The following BMPR1B variants were observed in gnomAD, a reference collection of about 807,000 sequenced individuals.
BMPR1B encodes bone morphogenetic protein receptor type 1B.
BMPR1B carries 12 observed loss-of-function variants against 59.1 expected under a neutral mutation model. That is an observed-to-expected ratio of 0.20 (90% confidence interval 0.13 to 0.33). The LOEUF (loss-of-function observed/expected upper bound fraction) is 0.33. BMPR1B is among the 10% of genes least tolerant of loss of function. The pLI is 1.00. For missense variants in BMPR1B, 550 were observed against 610.9 expected (o/e 0.90, Z 1.05); for synonymous variants, 237 against 207.3 (o/e 1.14, Z -1.23).
chr4:94,884,942 C>A (rs545297344), intron 2 of BMPR1B, among the ~76,000 whole-genome samples: 27 of 152,274 alleles, frequency 1.8e-4, no homozygotes, highest in Admixed American at 8.5e-4. Context: ...TGCTTCTGTT[C>A]CCTTTGGAAC....
chr4:94,967,463 C>G (rs1730596198), intron 2 of BMPR1B, among the ~76,000 whole-genome samples: 1 of 151,800 alleles, frequency 6.6e-6, no homozygotes, highest in Non-Finnish European at 1.5e-5. Flanking sequence ...CCTCCCCTCC[C>G]CTCTCCTCTC....
intron 2 of BMPR1B, among the ~76,000 whole-genome samples, chr4:94,936,028 A>G (rs1389023459): frequency 6.6e-6 from 1 of 152,088 alleles, no homozygotes; most frequent in African/African-American, 2.4e-5. Flanking sequence ...CACAGTGGTA[A>G]AGTCAGTGGG....
At chr4:95,147,320 A>G (rs1380777897) in intron 10 of BMPR1B, among the ~76,000 whole-genome samples, 2 of 152,206 alleles carry the variant, frequency 1.3e-5, no homozygotes, top group African/African-American at 2.4e-5. Context: ...ATTCAGAATG[A>G]CACTTAAAAT....
chr4:94,912,625 C>T (rs944914502), intron 2 of BMPR1B, among the ~76,000 whole-genome samples: 6 of 152,084 alleles, frequency 3.9e-5, no homozygotes, highest in Non-Finnish European at 8.8e-5. Flanking sequence ...GTGGTCTTTC[C>T]GAACAACAGT....
chr4:94,766,039 T>G (rs1721955899), intron 1 of BMPR1B, among the ~76,000 whole-genome samples: 1 of 152,194 alleles, frequency 6.6e-6, no homozygotes, highest in African/African-American at 2.4e-5. Context: ...AATTAGAATT[T>G]TGATTTTTAA....
At chr4:94,794,594 G>A (rs1469247451) in intron 1 of BMPR1B, among the ~76,000 whole-genome samples, 86 of 142,160 alleles carry the variant, frequency 6.0e-4, no homozygotes, top group African/African-American at 2.1e-3. Context: ...CATTGAATCT[G>A]TAAATTACCT....
intron 3 of BMPR1B, among the ~76,000 whole-genome samples, chr4:95,064,379 C>T (rs1362999198): frequency 6.6e-6 from 1 of 152,108 alleles, no homozygotes; most frequent in Non-Finnish European, 1.5e-5. Flanking sequence ...CATAGGAGAG[C>T]AAACGCTGTT....
intron 2 of BMPR1B, among the ~76,000 whole-genome samples, chr4:94,894,755 C>A (rs1727524571): frequency 6.6e-6 from 1 of 151,004 alleles, no homozygotes; most frequent in African/African-American, 2.4e-5. Context: ...GGAAAGTAAA[C>A]TTGTTGTATT....
chr4:94,767,792 CTT>C (rs1204126909), intron 1 of BMPR1B, among the ~76,000 whole-genome samples: 2 of 151,990 alleles, frequency 1.3e-5, no homozygotes, highest in Non-Finnish European at 2.9e-5. Flanking sequence ...AGTCATCAAA[CTT>C]TTGTGATTTT....
chr4:94,826,266 G>A (rs1724378225), intron 1 of BMPR1B, among the ~76,000 whole-genome samples: 1 of 152,122 alleles, frequency 6.6e-6, no homozygotes, highest in South Asian at 2.1e-4. Flanking sequence ...GTTGATAACT[G>A]GTGAAGAATA....
At chr4:95,082,242 A>C (rs1033203383) in intron 3 of BMPR1B, among the ~76,000 whole-genome samples, 15 of 149,956 alleles carry the variant, frequency 1.0e-4, no homozygotes, top group African/African-American at 3.2e-4. Flanking sequence ...AAATATCGAA[A>C]ACTGTATCCA....
intron 4 of BMPR1B, among the ~76,000 whole-genome samples, chr4:95,106,015 C>T (rs1042106003): frequency 6.6e-6 from 1 of 151,948 alleles, no homozygotes; most frequent in African/African-American, 2.4e-5. Context: ...TCCTGATAAG[C>T]CATTTGGATG....
rs1321253433 is a variant in BMPR1B at position 94,860,820 on chromosome 4, CTTTTATATGTTGG to C, written c.-182-15010_-182-14998del. On this transcript the variant is annotated intron_variant, in intron 1 of 12. Transcript: ENST00000515059. ...TTCTTGGACAAAACCTTTTATATGTCTTTTATATGTTGGCTTTTATATGTCTTTCTCTTTCACG... is the reference window on the plus strand; with the variant it reads ...TTCTTGGACAAAACCTTTTATATGTCCTTTTATATGTCTTTCTCTTTCACG... Among the ~76,000 whole-genome samples the C allele has an allele frequency of 5.7e-3, 764 of 134,174 alleles. 169 individuals are homozygous for C. Among genetic ancestry groups the C allele is most frequent in the African/African-American group, 0.025 (665 of 27,038 alleles). 88.0% of individuals were successfully genotyped at this position (134,174 alleles called of 152,430 possible).
intron 2 of BMPR1B, among the ~76,000 whole-genome samples, chr4:94,934,507 T>C (rs554801188): frequency 1.9e-3 from 257 of 132,792 alleles, no homozygotes; most frequent in African/African-American, 6.8e-3. Context: ...CAGGAACAAA[T>C]GGCAGCATAG....
intron 3 of BMPR1B, 82 bp from the exon 4 acceptor site, chr4:95,104,326 T>C: frequency 2.1e-6 from 3 of 1,442,298 alleles, no homozygotes; most frequent in Non-Finnish European, 2.9e-6. Context: ...CATTTTAAAA[T>C]GTAATCTCAT....
chr4:94,961,562 C>A (rs557561609), intron 2 of BMPR1B, among the ~76,000 whole-genome samples: 2 of 152,124 alleles, frequency 1.3e-5, no homozygotes, highest in South Asian at 2.1e-4. Flanking sequence ...TTCCTTAAAT[C>A]ATTTGAAATT....
intron 3 of BMPR1B, among the ~76,000 whole-genome samples, chr4:95,058,131 A>C (rs1727069773): frequency 1.3e-5 from 2 of 152,204 alleles, no homozygotes; most frequent in Admixed American, 1.3e-4. Flanking sequence ...TGGTAGTTGC[A>C]AACTATATGT....
chr4:95,115,817 A>G, intron 6 of BMPR1B, 30 bp downstream of exon 6: 2 of 1,544,820 alleles, frequency 1.3e-6, no homozygotes, highest in Non-Finnish European at 1.8e-6. Flanking sequence ...AGCCTGGAAA[A>G]TCACTAGGTA....
At chr4:95,060,040 G>A (rs906161096) in intron 3 of BMPR1B, among the ~76,000 whole-genome samples, 4 of 152,218 alleles carry the variant, frequency 2.6e-5, no homozygotes, top group Admixed American at 2.0e-4. Flanking sequence ...AGCAGTATTC[G>A]ACCAACACCC....
Sources: allele counts gnomAD v4.1 joint callset (sites outside exome capture counted in the v4.1 genomes callset), GRCh38; gene constraint gnomAD v4.1.1; transcripts MANE v1.5; gene names NCBI Gene and HGNC (gene_info 2026-07-23, HGNC 2026-07-21).